NOL4: variants seen among roughly 807,000 people sequenced by gnomAD.
The protein encoded by NOL4 is cancer/testis antigen 125.
A neutral mutation model predicts 75.9 loss-of-function variants in NOL4; 17 were observed. The ratio of observed to expected loss-of-function variants is 0.22; its 90% CI spans 0.15 to 0.34. The LOEUF (loss-of-function observed/expected upper bound fraction) is 0.34, where lower values mean the gene tolerates loss of function less well. Among genes scored for constraint, NOL4 ranks in the 10% least tolerant of loss-of-function variants. The pLI is 1.00. For missense variants in NOL4, 614 were observed against 793.5 expected, an observed-to-expected ratio of 0.77 and a Z score of 2.72; for synonymous variants, 292 against 289.9, an observed-to-expected ratio of 1.01 and a Z score of -0.07.
chr18:33,966,744 A>G (rs181553917), intron 6 of NOL4, among the ~76,000 whole-genome samples: 247 of 152,240 alleles, frequency 1.6e-3, no homozygotes, highest in African/African-American at 5.6e-3. Context: ...AAATAGCCAC[A>G]CACAAAAATG....
At chr18:34,116,294 A>G (rs1178909546) in intron 2 of NOL4, among the ~76,000 whole-genome samples, 1 of 95,756 alleles carries the variant, frequency 1.0e-5, no homozygotes, top group Non-Finnish European at 2.7e-5. Flanking sequence ...TGTGGGTTAT[A>G]AAAAAAAACA....
chr18:34,019,366 T>C lies in NOL4; in HGVS notation c.1008A>G (p.Leu336=). 6.2e-7 allele frequency: 1 copy of C among 1,614,042 alleles called. No homozygotes were observed. Among genetic ancestry groups the C allele is most frequent in the Non-Finnish European group, 8.5e-7 (1 of 1,179,930 alleles). Residue 336 remains leucine (L), a synonymous_variant, in exon 6 of 11, where the codon CTA becomes CTG. Coordinates refer to ENST00000261592, the MANE Select transcript of NOL4 (RefSeq NM_003787.5). ...CTCGTTCCATCTTGAGGTCAGAAAT[T>C]AGAAGATTCTTATACTTGTTTTTCC... ...SNGKNKYKNL[L]ISDLKMEREA...
chr18:34,156,512 T>C (rs1190946848), intron 1 of NOL4: 1 of 152,116 alleles, frequency 6.6e-6, no homozygotes, highest in Non-Finnish European at 1.5e-5. Flanking sequence ...ATAAGAACCA[T>C]AAAAATAGGA....
At position 34,154,531 on chromosome 18, in the gene NOL4, G is replaced by T. The variant is rs145181475; in HGVS notation, c.265-24511C>A. 1.6e-3 allele frequency among the ~76,000 whole-genome samples: 248 copies of T among 151,900 alleles called. 1 individual carries two copies. Among genetic ancestry groups the T allele is most frequent in the African/African-American group, 5.7e-3 (236 of 41,440 alleles). On this transcript the variant is annotated intron_variant, in intron 1 of 10. Transcript: ENST00000261592. The stretch of plus-strand genomic sequence containing the variant: ...GTGTAGAAGTACTTTTTTTATTGTT[G>T]CATAGTATTGCATAGTAAAATATGC...
chr18:33,918,691 A>AT (rs1271928347), intron 9 of NOL4, among the ~76,000 whole-genome samples: 3 of 152,156 alleles, frequency 2.0e-5, no homozygotes, highest in Non-Finnish European at 4.4e-5. Context: ...CAAGGCTTTA[A>AT]TTTTTAATGC....
At chr18:34,149,173 A>G (rs2081537152) in intron 1 of NOL4, among the ~76,000 whole-genome samples, 1 of 151,666 alleles carries the variant, frequency 6.6e-6, no homozygotes, top group Non-Finnish European at 1.5e-5. Context: ...GATAGGATGC[A>G]GAGCAAAGAA....
At chr18:33,868,172 G>A (rs1007974150) in intron 10 of NOL4, among the ~76,000 whole-genome samples, 1 of 151,588 alleles carries the variant, frequency 6.6e-6, no homozygotes, top group Non-Finnish European at 1.5e-5. Flanking sequence ...AGAGTATCTG[G>A]GGCTACAGGC....
In NOL4 at chr18:33,872,611, C is replaced by G. The variant is rs553244319; in HGVS notation, c.1723+10633G>C. 2.0e-5 allele frequency among the ~76,000 whole-genome samples: 3 copies of G among 152,094 alleles called. No homozygotes were observed. In the East Asian group the frequency reaches 5.8e-4, roughly 29 times the overall value. On this transcript the variant is annotated intron_variant, in intron 10 of 10. Coordinates refer to ENST00000261592, the MANE Select transcript of NOL4 (RefSeq NM_003787.5). ...AGGTGAGAAGAGTTGAGTTTGGAAT[C>G]AGTACTGTCCAACTGAAACTTCTGT... is the stretch of plus-strand genomic sequence containing the variant.
chr18:34,058,147 T>G (rs1002643396), intron 5 of NOL4, among the ~76,000 whole-genome samples: 7 of 152,130 alleles, frequency 4.6e-5, no homozygotes, highest in Admixed American at 4.6e-4. Context: ...TTATTTCTTT[T>G]TTTTGAGACA....
chr18:34,157,863 G>T (rs2030720883), intron 1 of NOL4, among the ~76,000 whole-genome samples: 1 of 152,100 alleles, frequency 6.6e-6, no homozygotes, highest in Non-Finnish European at 1.5e-5. Context: ...TAGGAACAGG[G>T]TAGATAGGAC....
chr18:33,976,323 A>G (rs2071484954), intron 6 of NOL4, among the ~76,000 whole-genome samples: 1 of 152,172 alleles, frequency 6.6e-6, no homozygotes, highest in Admixed American at 6.5e-5. Flanking sequence ...CATATGTCAA[A>G]AGCAATGCAT....
At chr18:34,125,516 C>T (rs1214195966) in intron 2 of NOL4, among the ~76,000 whole-genome samples, 1 of 151,962 alleles carries the variant, frequency 6.6e-6, no homozygotes, top group Non-Finnish European at 1.5e-5. Flanking sequence ...GAAACTGGTG[C>T]AAGTTAGAAT....
At chr18:34,163,821 C>T (rs150000882) in intron 1 of NOL4, among the ~76,000 whole-genome samples, 1,608 of 152,236 alleles carry the variant, frequency 0.011, 33 homozygotes, top group African/African-American at 0.037. Flanking sequence ...GGAGGTATCA[C>T]ACTACCTGAC....
chr18:33,942,921 T>G (rs959916236), intron 9 of NOL4, 144 bp downstream of exon 9: 3 of 578,268 alleles, frequency 5.2e-6, no homozygotes, highest in African/African-American at 3.8e-5. Context: ...TTTTCAAGTT[T>G]AAATTCATAT....
chr18:34,187,370 C>CTTTTTTTTTTT (rs545524361), intron 1 of NOL4, among the ~76,000 whole-genome samples: 2 of 78,352 alleles, frequency 2.6e-5, no homozygotes, highest in African/African-American at 6.2e-5. Context: ...TAGTCCACTT[C>CTTTTTTTTTTT]TTTTTTTTTT....
chr18:33,970,982 G>T (rs1183186843), intron 6 of NOL4, among the ~76,000 whole-genome samples: 1 of 152,124 alleles, frequency 6.6e-6, no homozygotes, highest in Non-Finnish European at 1.5e-5. Flanking sequence ...ATAAAAGAAG[G>T]AAAAGGTGGT....
At chr18:34,194,453 A>AAGGAAGGAAGGG in intron 1 of NOL4, among the ~76,000 whole-genome samples, 1 of 147,154 alleles carries the variant, frequency 6.8e-6, no homozygotes, top group Non-Finnish European at 1.5e-5. Flanking sequence ...GGAAGGAAGG[A>AAGGAAGGAAGGG]AGGAAGGCAG....
intron 2 of NOL4, among the ~76,000 whole-genome samples, chr18:34,124,445 A>T (rs1047704005): frequency 1.3e-5 from 2 of 152,218 alleles, no homozygotes; most frequent in African/African-American, 4.8e-5. Flanking sequence ...ATATACTCCA[A>T]CATTTTTAAA....
At chr18:34,221,821 A>G (rs945433023) in intron 1 of NOL4, among the ~76,000 whole-genome samples, 1 of 152,188 alleles carries the variant, frequency 6.6e-6, no homozygotes, top group Non-Finnish European at 1.5e-5. Flanking sequence ...TTTTCAATTC[A>G]ATATAATATA....
Sources: gnomAD v4.1 joint callset for allele counts (sites outside exome capture counted in the v4.1 genomes callset) on GRCh38, gnomAD v4.1.1 for gene constraint, MANE v1.5 for transcripts, NCBI Gene and HGNC (gene_info 2026-07-23, HGNC 2026-07-21) for gene names.